Variants in PIGK observed in about 807,000 individuals in gnomAD.
The protein encoded by PIGK is phosphatidylinositol glycan anchor biosynthesis class K.
A neutral mutation model predicts 50.6 loss-of-function variants in PIGK; 42 were observed. That is an observed-to-expected ratio of 0.83 (90% CI 0.65 to 1.07). PIGK has a LOEUF of 1.07. Among genes scored for constraint, PIGK ranks in the 50% least tolerant of loss-of-function variants. The pLI, the probability that PIGK is intolerant of heterozygous loss-of-function variation, is 0.00. For synonymous variants in PIGK, 151 were observed against 156.0 expected (o/e 0.97, Z 0.24); for missense variants, 448 against 488.7 (o/e 0.92, Z 0.78).
intron 9 of PIGK, among the ~76,000 whole-genome samples, chr1:77,138,852 T>G (rs2100541194): frequency 6.6e-6 from 1 of 152,272 alleles, no homozygotes; most frequent in Non-Finnish European, 1.5e-5. Context: ...TTCAACTGAA[T>G]TGCTCAACTT....
At chr1:77,183,867 A>G (rs1020029742) in intron 3 of PIGK, among the ~76,000 whole-genome samples, 2 of 152,174 alleles carry the variant, frequency 1.3e-5, no homozygotes, top group African/African-American at 4.8e-5. Context: ...AGTGGAGTGG[A>G]TTAGTCACTT....
At chr1:77,145,058 T>C (rs1483586575) in intron 9 of PIGK, among the ~76,000 whole-genome samples, 5 of 151,992 alleles carry the variant, frequency 3.3e-5, no homozygotes, top group Non-Finnish European at 7.4e-5. Flanking sequence ...TTTTGGTTCA[T>C]AAAGTTTTAT....
At chr1:77,148,185 T>C (rs1654813262) in intron 9 of PIGK, among the ~76,000 whole-genome samples, 1 of 152,196 alleles carries the variant, frequency 6.6e-6, no homozygotes, top group African/African-American at 2.4e-5. Context: ...TCTCATTATA[T>C]ACTTTAAATA....
chr1:77,218,288 G>C (rs1656631174), intron 1 of PIGK, among the ~76,000 whole-genome samples: 1 of 152,180 alleles, frequency 6.6e-6, no homozygotes, highest in South Asian at 2.1e-4. Context: ...ATTTCGTGTA[G>C]ACGAATCTAG....
At chr1:77,171,964 T>C (rs1041461641) in intron 3 of PIGK, among the ~76,000 whole-genome samples, 4 of 148,996 alleles carry the variant, frequency 2.7e-5, no homozygotes, top group African/African-American at 1.0e-4. Context: ...AGCAAACTAA[T>C]AATACCCTAA....
At chr1:77,189,484 G>A (rs1655833489) in intron 3 of PIGK, among the ~76,000 whole-genome samples, 2 of 151,980 alleles carry the variant, frequency 1.3e-5, no homozygotes, top group South Asian at 4.2e-4. Flanking sequence ...CAGCTGCCAG[G>A]GTGGCTAGAA....
chr1:77,211,468 T>A (rs1394024363), intron 1 of PIGK, among the ~76,000 whole-genome samples: 1 of 152,044 alleles, frequency 6.6e-6, no homozygotes, highest in Non-Finnish European at 1.5e-5. Flanking sequence ...GTGATCACTC[T>A]CTACAGTGAG....
chr1:77,139,449 G>C (rs1365747907), intron 9 of PIGK, among the ~76,000 whole-genome samples: 1 of 152,088 alleles, frequency 6.6e-6, no homozygotes, highest in Non-Finnish European at 1.5e-5. Context: ...TAAATCACAT[G>C]AGAGCCCTAA....
In PIGK at chr1:77,149,006, C is replaced by G. The variant is rs35799710; in HGVS notation, c.986+5443G>C. Among the ~76,000 whole-genome samples the G allele has an allele frequency of 2.0e-5, 3 of 152,046 alleles. No homozygotes were observed. The South Asian group carries it at 6.2e-4, about 31-fold the overall frequency. On this transcript the variant is annotated intron_variant, in intron 9 of 10. Coordinates refer to ENST00000370812, the MANE Select transcript of PIGK (RefSeq NM_005482.3). ...CTGGGATTACAGGCGTGAGCCACCACGCCCAGCCATATCAGTTTTAAATAA... is the reference window on the plus strand; with the variant it reads ...CTGGGATTACAGGCGTGAGCCACCAGGCCCAGCCATATCAGTTTTAAATAA...
intron 3 of PIGK, among the ~76,000 whole-genome samples, chr1:77,188,151 T>C (rs534829120): frequency 6.6e-6 from 1 of 152,254 alleles, no homozygotes; most frequent in East Asian, 1.9e-4. Context: ...ATAACAGCAA[T>C]TGTTCAGGGA....
intron 10 of PIGK, among the ~76,000 whole-genome samples, chr1:77,094,488 GT>G (rs71588882): frequency 6.6e-6 from 1 of 152,036 alleles, no homozygotes; most frequent in Non-Finnish European, 1.5e-5. Flanking sequence ...ACCAAGTCAT[GT>G]TTTTCAAAAA....
chr1:77,195,297 A>C, intron 3 of PIGK: 1 of 1,340,942 alleles, frequency 7.5e-7, no homozygotes, highest in Admixed American at 1.7e-5. Context: ...GCAAAGGAGC[A>C]GGGAAGAAAG....
chr1:77,184,947 C>G (rs1431584639), intron 3 of PIGK, among the ~76,000 whole-genome samples: 1 of 152,196 alleles, frequency 6.6e-6, no homozygotes. Flanking sequence ...GTGAGTCCTA[C>G]CACATCCCTG....
intron 4 of PIGK, 47 bp downstream of exon 4, chr1:77,169,213 A>G: frequency 7.7e-7 from 1 of 1,295,318 alleles, no homozygotes; most frequent in Non-Finnish European, 1.1e-6. Flanking sequence ...TTAGAGCCTA[A>G]AAGTAACAAT....
chr1:77,129,381 T>C, intron 9 of PIGK: 2 of 1,569,902 alleles, frequency 1.3e-6, no homozygotes, highest in Non-Finnish European at 1.7e-6. Flanking sequence ...GAGTGCTGAA[T>C]TTTTGCTGCA....
At chr1:77,149,728 T>C (rs1259717491) in intron 9 of PIGK, among the ~76,000 whole-genome samples, 1 of 152,114 alleles carries the variant, frequency 6.6e-6, no homozygotes, top group East Asian at 1.9e-4. Context: ...TTGGAGTCTA[T>C]ACTCTAGACC....
intron 10 of PIGK, among the ~76,000 whole-genome samples, chr1:77,111,149 A>C (rs1653831009): frequency 6.6e-6 from 1 of 152,170 alleles, no homozygotes; most frequent in South Asian, 2.1e-4. Context: ...ACACTTTTAC[A>C]CTGTTGGTGG....
At chr1:77,183,613 T>C (rs748010498) in intron 3 of PIGK, among the ~76,000 whole-genome samples, 2 of 152,146 alleles carry the variant, frequency 1.3e-5, no homozygotes, top group Non-Finnish European at 2.9e-5. Context: ...GAATGGATAT[T>C]AAGGGTGTGG....
chr1:77,199,697 A>G lies in PIGK; in HGVS notation c.239+6943T>C, dbSNP rs191686603. On this transcript the variant is annotated intron_variant, in intron 3 of 10. Transcript: ENST00000370812. ...GAGCAATCTATGAAGTTCTACACAC[A>G]GGGAAACAAAGGAACAAAAGATATT... Among the ~76,000 whole-genome samples the G allele has an allele frequency of 1.9e-3, 295 of 152,164 alleles. 2 individuals are homozygous for G. The highest frequency in any genetic ancestry group is 6.9e-3 in the African/African-American group (286 of 41,582).
Sources: allele counts gnomAD v4.1 joint callset (sites outside exome capture counted in the v4.1 genomes callset), GRCh38; gene constraint gnomAD v4.1.1; transcripts MANE v1.5; gene names NCBI Gene and HGNC (gene_info 2026-07-23, HGNC 2026-07-21).